CAMK2G: variants seen among roughly 807,000 people sequenced by gnomAD.
CAMK2G encodes the protein calcium/calmodulin-dependent protein kinase type II subunit gamma.
In CAMK2G, 23 loss-of-function variants were observed where a neutral mutation model predicts 88.7. The ratio of observed to expected loss-of-function variants is 0.26; its 90% CI spans 0.19 to 0.37. CAMK2G has a LOEUF of 0.37. Among genes scored for constraint, CAMK2G ranks in the 10% least tolerant of loss-of-function variants. The pLI, the probability that CAMK2G is intolerant of heterozygous loss-of-function variation, is 1.00. For synonymous variants in CAMK2G, 263 were observed against 294.8 expected (o/e 0.89, Z 1.11); for missense variants, 476 against 780.8 (o/e 0.61, Z 4.65).
rs188560488 is a variant in CAMK2G, at chr10:73,823,996, C to T, written c.1200+44G>A. The T allele has an allele frequency of 4.5e-6, 7 of 1,547,998 alleles. No homozygotes were observed. The East Asian group carries it at 1.6e-4, about 35-fold the overall frequency. The stretch of plus-strand genomic sequence containing the variant: ...CCCCTGGGACCCAGCCCACCTGTCT[C>T]CTGCTGACCTGGAAAGCAGGAGGCA... On this transcript the variant is annotated intron_variant, in intron 17 of 22. Transcript: ENST00000423381.
chr10:73,821,419 C>T (rs755485879), intron 18 of CAMK2G, among the ~76,000 whole-genome samples: 1 of 152,198 alleles, frequency 6.6e-6, no homozygotes, highest in East Asian at 1.9e-4. Flanking sequence ...GAACAGTTCT[C>T]TGAGCCCTGG....
intron 12 of CAMK2G, among the ~76,000 whole-genome samples, chr10:73,840,176 T>C (rs960028950): frequency 4.9e-5 from 7 of 141,802 alleles, no homozygotes; most frequent in Non-Finnish European, 9.0e-5. Context: ...CAGGTCCCTG[T>C]CTTAAGGGAG....
chr10:73,873,668 A>ATT (rs1304251672), intron 1 of CAMK2G: 1 of 295,552 alleles, frequency 3.4e-6, no homozygotes, highest in Non-Finnish European at 4.7e-6. Flanking sequence ...TTCCCATGCT[A>ATT]TTTTCCTTGA....
chr10:73,873,150 T>G (rs2095897641), intron 1 of CAMK2G, 67 bp from the exon 2 acceptor site: 2 of 1,176,420 alleles, frequency 1.7e-6, no homozygotes, highest in Non-Finnish European at 2.5e-6. Flanking sequence ...ACACTTCAAG[T>G]CTGGGGACGA....
Position 73,819,636 on chromosome 10 carries a change from A to G in CAMK2G, c.1259T>C (p.Leu420Pro), listed in dbSNP as rs943318642. ...CACCGAGCTGCCATTCCCAGTGCGG[A>G]GCGGGGCAGCTAGCCAGCCAGGGCA... ...TEDEDLKAAP[L>P]RTGNGSSVPE... is the part of the protein sequence containing the mutation. The change falls in exon 19 of 23, where the codon CTC becomes CCC. Residue 420 changes from leucine to proline, a missense_variant. Transcript: ENST00000423381. 11 of 1,540,666 alleles carry G rather than the reference A, an allele frequency of 7.1e-6. No homozygotes were observed. The highest frequency in any genetic ancestry group is 7.9e-6 in the Non-Finnish European group (9 of 1,145,138).
chr10:73,849,434 C>T (rs1381520834), intron 5 of CAMK2G, 101 bp from the exon 6 acceptor site: 25 of 760,902 alleles, frequency 3.3e-5, no homozygotes, highest in Non-Finnish European at 5.2e-5. Context: ...CAAGGGGCCA[C>T]GGATTCACAG....
intron 3 of CAMK2G, among the ~76,000 whole-genome samples, chr10:73,855,560 C>T (rs750843003): frequency 1.4e-4 from 21 of 152,346 alleles, no homozygotes; most frequent in African/African-American, 4.1e-4. Context: ...ACCCTGCCCC[C>T]GCCCAGCACA....
intron 14 of CAMK2G, among the ~76,000 whole-genome samples, 172 bp from the exon 15 acceptor site, chr10:73,828,293 A>G (rs898263326): frequency 2.0e-5 from 3 of 152,064 alleles, no homozygotes; most frequent in African/African-American, 7.2e-5. Context: ...ACCGACAGGC[A>G]CTCACACCCT....
intron 17 of CAMK2G, among the ~76,000 whole-genome samples, chr10:73,822,463 C>T (rs890826444): frequency 2.0e-5 from 3 of 152,104 alleles, no homozygotes; most frequent in African/African-American, 7.2e-5. Context: ...CCACCACGCC[C>T]GGGCCTCCCT....
At chr10:73,841,102 G>A (rs571829413) in intron 12 of CAMK2G, among the ~76,000 whole-genome samples, 1 of 152,356 alleles carries the variant, frequency 6.6e-6, no homozygotes, top group South Asian at 2.1e-4. Context: ...GAGCTCCATG[G>A]CTCTCAGGCT....
chr10:73,865,748 C>T (rs967022015), intron 2 of CAMK2G, among the ~76,000 whole-genome samples: 3 of 152,180 alleles, frequency 2.0e-5, no homozygotes, highest in South Asian at 4.1e-4. Context: ...TCTCAAGGTG[C>T]TGCAAAGGTG....
chr10:73,826,897 A>G (rs759937716), intron 15 of CAMK2G, among the ~76,000 whole-genome samples: 3 of 152,170 alleles, frequency 2.0e-5, no homozygotes, highest in Non-Finnish European at 4.4e-5. Context: ...CCAGGCACCA[A>G]GTGACTCCAC....
chr10:73,837,338 G>A, intron 14 of CAMK2G, 130 bp downstream of exon 14: 1 of 797,918 alleles, frequency 1.3e-6, no homozygotes, highest in Non-Finnish European at 2.3e-6. Context: ...TGAGCACAAA[G>A]GCATCTGGTT....
chr10:73,871,117 G>A (rs2095812734), intron 2 of CAMK2G, among the ~76,000 whole-genome samples: 1 of 151,984 alleles, frequency 6.6e-6, no homozygotes, highest in Non-Finnish European at 1.5e-5. Flanking sequence ...GAGAGGGGGA[G>A]TTGCTGTCTG....
At chr10:73,836,539 G>A (rs1443323087) in intron 14 of CAMK2G, among the ~76,000 whole-genome samples, 1 of 152,208 alleles carries the variant, frequency 6.6e-6, no homozygotes, top group African/African-American at 2.4e-5. Flanking sequence ...CCCTGCGAGG[G>A]GCGGAAGAAC....
chr10:73,857,794 G>C (rs967089227), intron 3 of CAMK2G, among the ~76,000 whole-genome samples: 1 of 152,144 alleles, frequency 6.6e-6, no homozygotes, highest in Non-Finnish European at 1.5e-5. Context: ...CCCACCACTG[G>C]CCACACTCCC....
chr10:73,823,155 C>A (rs1213389769), intron 17 of CAMK2G, among the ~76,000 whole-genome samples: 1 of 152,216 alleles, frequency 6.6e-6, no homozygotes, highest in Non-Finnish European at 1.5e-5. Context: ...AGCCACCGCA[C>A]CTGGCCCTCT....
chr10:73,820,409 A>T (rs1474243051), intron 18 of CAMK2G, among the ~76,000 whole-genome samples: 1 of 148,052 alleles, frequency 6.8e-6, no homozygotes, highest in East Asian at 2.0e-4. Context: ...CCAAAATCTT[A>T]GGACTAGAGT....
At chr10:73,827,414 T>C (rs966441155) in intron 15 of CAMK2G, among the ~76,000 whole-genome samples, 3 of 152,094 alleles carry the variant, frequency 2.0e-5, no homozygotes, top group African/African-American at 7.2e-5. Context: ...CTCCTGACCT[T>C]GTGATCCACC....
Sources: gnomAD v4.1 joint callset for allele counts (sites outside exome capture counted in the v4.1 genomes callset) on GRCh38, gnomAD v4.1.1 for gene constraint, MANE v1.5 for transcripts, NCBI Gene and HGNC (gene_info 2026-07-23, HGNC 2026-07-21) for gene names.